MTO1: variants seen among roughly 807,000 people sequenced by gnomAD.
The protein encoded by MTO1 is 5-taurinomethyluridine-[tRNA] synthase subunit MTO1, mitochondrial.
In MTO1, 46 loss-of-function variants were observed where a neutral mutation model predicts 71.6. That is an observed-to-expected ratio of 0.64 (90% CI 0.51 to 0.82). MTO1 has a LOEUF of 0.82. Among genes scored for constraint, MTO1 ranks in the 40% least tolerant of loss-of-function variants. The pLI is 0.00. For missense variants in MTO1, 773 were observed against 867.5 expected (o/e 0.89, Z 1.37); for synonymous variants, 297 against 312.1 (o/e 0.95, Z 0.51).
chr6:73,496,446 G>C (rs1347160248), intron 10 of MTO1, among the ~76,000 whole-genome samples: 1 of 150,546 alleles, frequency 6.6e-6, no homozygotes, highest in Non-Finnish European at 1.5e-5. Context: ...TCTATATGAA[G>C]ATAATTTAAA....
In MTO1 at chr6:73,508,178, C is replaced by T. The variant is rs1333033491; in HGVS notation, c.*7443C>T. ...AGAATTTGGAGGCTGTAGGGGAATT[C>T]AGAGTGTGAATTTCACTTGAACAGC... On this transcript the variant is annotated 3_prime_UTR_variant, in exon 12 of 12. Transcript: ENST00000498286. 6.6e-6 allele frequency: 1 copy of T among 152,084 alleles called. No individual in the cohort carries two copies. Among genetic ancestry groups the T allele is most frequent in the African/African-American group, 2.4e-5 (1 of 41,402 alleles). 9.4% of individuals were successfully genotyped at this position (152,084 alleles called of 1,614,324 possible). A position where few individuals can be genotyped will look rare whatever the true frequency, so the allele number is the denominator to read the frequency against.
intron 9 of MTO1, among the ~76,000 whole-genome samples, chr6:73,491,754 C>A (rs924535336): frequency 3.9e-5 from 6 of 152,188 alleles, no homozygotes; most frequent in Non-Finnish European, 7.3e-5. Flanking sequence ...TGGGGAAAAT[C>A]AAATAATACA....
chr6:73,467,645 A>AAATAAATAAATAAATAAAT (rs1771039778), intron 3 of MTO1, among the ~76,000 whole-genome samples: 1 of 151,726 alleles, frequency 6.6e-6, no homozygotes, highest in Non-Finnish European at 1.5e-5. Context: ...AAATAAATAT[A>AAATAAATAAATAAATAAAT]AAAGAAATTT....
At chr6:73,478,940 G>A (rs1456881139) in intron 4 of MTO1, among the ~76,000 whole-genome samples, 1 of 145,196 alleles carries the variant, frequency 6.9e-6, no homozygotes, top group Non-Finnish European at 1.5e-5. Context: ...CCAGGCTGGA[G>A]TGCAATGGTG....
intron 10 of MTO1, among the ~76,000 whole-genome samples, chr6:73,492,968 A>ATG (rs368351300): frequency 8.8e-4 from 60 of 67,872 alleles, no homozygotes; most frequent in African/African-American, 3.0e-3. Context: ...TATATAATAT[A>ATG]TGTGTGTGTG....
At chr6:73,468,040 T>C (rs902304159) in intron 3 of MTO1, among the ~76,000 whole-genome samples, 10 of 151,900 alleles carry the variant, frequency 6.6e-5, no homozygotes, top group African/African-American at 2.4e-4. Context: ...AGGATGGTCT[T>C]GTTCTCCTGA....
chr6:73,475,945 G>A (rs971637799), intron 4 of MTO1, among the ~76,000 whole-genome samples: 2 of 152,086 alleles, frequency 1.3e-5, no homozygotes, highest in Admixed American at 1.3e-4. Flanking sequence ...AAAGGCAGCC[G>A]CCCCCTTGCC....
At chr6:73,471,879 T>C (rs1351166183) in intron 3 of MTO1, 1 of 152,794 alleles carries the variant, frequency 6.5e-6, no homozygotes, top group Non-Finnish European at 1.5e-5. Context: ...TTGACAGTGT[T>C]GTGCACCCAT....
At chr6:73,486,753 A>G (rs1321277351) in intron 9 of MTO1, 2 of 233,142 alleles carry the variant, frequency 8.6e-6, no homozygotes, top group African/African-American at 4.7e-5. Flanking sequence ...AAAAGAAAAG[A>G]CTCATACAGT....
At chr6:73,464,208 CA>C (rs1303569883) in intron 1 of MTO1, 1 of 152,092 alleles carries the variant, frequency 6.6e-6, no homozygotes, top group African/African-American at 2.4e-5. Context: ...AGACCTAGGC[CA>C]GGGGTGATTA....
chr6:73,461,853 G>A lies in MTO1; in HGVS notation c.-2G>A, dbSNP rs775937995. ...CAAAGTCAGATAGATTTTTCTCCCA[G>A]CATGTTCTACTTCCGAGGCTGTGGC... On this transcript the variant is annotated 5_prime_UTR_variant, in exon 1 of 12. Coordinates refer to ENST00000498286, the MANE Select transcript of MTO1 (RefSeq NM_012123.4). The A allele has an allele frequency of 7.5e-6, 12 of 1,610,218 alleles. No homozygotes were observed. The highest frequency in any genetic ancestry group is 1.6e-4 in the Middle Eastern group (1 of 6,072).
At chr6:73,479,665 T>G (rs1452994580) in intron 4 of MTO1, 67 bp from the exon 5 acceptor site, 91 of 1,295,598 alleles carry the variant, frequency 7.0e-5, no homozygotes, top group Non-Finnish European at 2.2e-6. Context: ...TCATGTGGAA[T>G]TTATTTGGAT....
chr6:73,482,830 C>G (rs1247604257), intron 9 of MTO1, among the ~76,000 whole-genome samples: 1 of 104,198 alleles, frequency 9.6e-6, no homozygotes, highest in Non-Finnish European at 1.8e-5. Context: ...CTCGCTCTTT[C>G]ACCCAGGCCA....
chr6:73,493,788 TG>T (rs1290616062), intron 10 of MTO1, among the ~76,000 whole-genome samples: 2 of 152,148 alleles, frequency 1.3e-5, no homozygotes, highest in African/African-American at 4.8e-5. Context: ...ATACTATCTT[TG>T]GCTTTGACAG....
chr6:73,478,270 A>G (rs1416657954), intron 4 of MTO1, among the ~76,000 whole-genome samples: 1 of 150,740 alleles, frequency 6.6e-6, no homozygotes, highest in African/African-American at 2.4e-5. Flanking sequence ...AGTATATTGT[A>G]TGTGTTTAAG....
rs376887969 is a variant in MTO1 at position 73,462,029 on chromosome 6, G to T, written c.175G>T (p.Gly59Cys). 8 of 1,613,924 alleles carry T rather than the reference G, an allele frequency of 5.0e-6. No individual in the cohort carries two copies. Among genetic ancestry groups the T allele is most frequent in the Non-Finnish European group, 6.8e-6 (8 of 1,180,000 alleles). Residue 59 changes from glycine (G) to cysteine (C), a missense_variant, in exon 1 of 12, where the codon GGC (glycine) becomes TGC (cysteine). Gly to Cys is a radical substitution (Grantham distance 159). Transcript: ENST00000498286. The part of the protein sequence containing the change: ...TEAATAAARC[G>C]SRTLLLTHRV... ...GGCAGCCACCGCCGCCGCTCGGTGCGGCTCTCGGACTCTGCTCCTCACTCA... is the reference window on the plus strand; with the variant it reads ...GGCAGCCACCGCCGCCGCTCGGTGCTGCTCTCGGACTCTGCTCCTCACTCA...
chr6:73,469,362 C>T (rs542689267), intron 3 of MTO1, among the ~76,000 whole-genome samples: 6 of 152,012 alleles, frequency 3.9e-5, no homozygotes, highest in Non-Finnish European at 8.8e-5. Context: ...TGGTGGCTCA[C>T]GCCTGTAATC....
intron 10 of MTO1, among the ~76,000 whole-genome samples, chr6:73,496,940 C>A (rs913263660): frequency 1.7e-4 from 26 of 151,352 alleles, no homozygotes; most frequent in Non-Finnish European, 8.8e-5. Flanking sequence ...ATAATCCCAG[C>A]TACTTAGGAG....
chr6:73,475,249 G>A (rs113467486), intron 4 of MTO1, among the ~76,000 whole-genome samples: 5,287 of 151,358 alleles, frequency 0.035, 299 homozygotes, highest in African/African-American at 0.12. Context: ...AGGCATGAGC[G>A]ACCGCACCTG....
Sources: gnomAD v4.1 joint callset for allele counts (sites outside exome capture counted in the v4.1 genomes callset) on GRCh38, gnomAD v4.1.1 for gene constraint, MANE v1.5 for transcripts, NCBI Gene and HGNC (gene_info 2026-07-23, HGNC 2026-07-21) for gene names.